The following TTC23L variants were observed in gnomAD, a reference collection of about 807,000 sequenced individuals.
The protein encoded by TTC23L is tetratricopeptide repeat protein 23-like.
A neutral mutation model predicts 48.1 loss-of-function variants in TTC23L; 42 were observed. The ratio of observed to expected loss-of-function variants is 0.87; its 90% confidence interval spans 0.68 to 1.13. The LOEUF (loss-of-function observed/expected upper bound fraction) is 1.13, where lower values mean the gene tolerates loss of function less well. Among genes scored for constraint, TTC23L ranks in the 50% most tolerant of loss-of-function variants. The pLI is 0.00. For synonymous variants in TTC23L, 159 were observed against 157.2 expected (o/e 1.01, Z -0.09); for missense variants, 391 against 421.0 (o/e 0.93, Z 0.62).
intron 9 of TTC23L, among the ~76,000 whole-genome samples, chr5:34,881,724 C>G (rs757251550): frequency 6.7e-6 from 1 of 149,086 alleles, no homozygotes; most frequent in Non-Finnish European, 1.5e-5. Flanking sequence ...GATTTGCAAC[C>G]TTTTTTCTGT....
intron 9 of TTC23L, among the ~76,000 whole-genome samples, chr5:34,896,367 G>A (rs1763226508): frequency 6.6e-6 from 1 of 152,156 alleles, no homozygotes; most frequent in Non-Finnish European, 1.5e-5. Flanking sequence ...ACGGGTGGGG[G>A]AACAGCTGGA....
rs189438509 is a variant in TTC23L at position 34,854,292 on chromosome 5, C to T, written c.379+3984C>T. ...CAGCTTGCTGGTCAGATGAAGTGTC[C>T]ACATGGTATAGTGGAGCCTAGACTT... On this transcript the variant is annotated intron_variant, in intron 4 of 10. Coordinates refer to ENST00000505624, the Ensembl canonical transcript of TTC23L. 3.2e-4 allele frequency among the ~76,000 whole-genome samples: 48 copies of T among 152,220 alleles called. 1 individual carries two copies. Among genetic ancestry groups the T allele is most frequent in the Admixed American group, 2.5e-3 (38 of 15,288 alleles).
the TTC23L span, chr5:34,919,112 AAAAGT>A: frequency 6.6e-6 from 1 of 150,970 alleles, no homozygotes; most frequent in African/African-American, 2.4e-5. Flanking sequence ...AAAAAATGAA[AAAAGT>A]AAAGTAAATT....
chr5:34,912,838 A>G, the TTC23L span, among the ~76,000 whole-genome samples: 1 of 152,122 alleles, frequency 6.6e-6, no homozygotes, highest in Admixed American at 6.5e-5. Context: ...CATCTCTACT[A>G]AAAATACAAA....
At chr5:34,867,752 G>T (rs1469995339) in intron 7 of TTC23L, 1 of 152,644 alleles carries the variant, frequency 6.6e-6, no homozygotes, top group Non-Finnish European at 1.5e-5. Flanking sequence ...CATAGAAAAG[G>T]TGCAATGCAA....
chr5:34,898,323 G>C (rs910607649), intron 10 of TTC23L, among the ~76,000 whole-genome samples: 11 of 152,146 alleles, frequency 7.2e-5, no homozygotes, highest in African/African-American at 2.7e-4. Flanking sequence ...TCTCGAAAAA[G>C]ATATAGACTT....
At chr5:34,845,826 GGT>G in intron 3 of TTC23L, 153 bp downstream of exon 3, 1 of 743,962 alleles carries the variant, frequency 1.3e-6, no homozygotes, top group South Asian at 2.0e-5. Context: ...AGCCTACTTA[GGT>G]AGCCAGCCCA....
the TTC23L span, among the ~76,000 whole-genome samples, chr5:34,911,166 G>C: frequency 6.6e-6 from 1 of 152,206 alleles, no homozygotes; most frequent in Non-Finnish European, 1.5e-5. Context: ...GCCACGTGTA[G>C]AAAACATCTT....
intron 9 of TTC23L, among the ~76,000 whole-genome samples, chr5:34,888,162 G>A (rs1365042227): frequency 6.6e-6 from 1 of 152,030 alleles, no homozygotes; most frequent in Non-Finnish European, 1.5e-5. Context: ...AAAGAAGATG[G>A]CTGTCAATGA....
the TTC23L span, among the ~76,000 whole-genome samples, chr5:34,910,203 T>C: frequency 2.0e-5 from 3 of 152,024 alleles, no homozygotes; most frequent in Non-Finnish European, 4.4e-5. Context: ...TACCACCAAA[T>C]TGTTTCCCAT....
At chr5:34,889,293 A>C (rs1434538330) in intron 9 of TTC23L, among the ~76,000 whole-genome samples, 1 of 152,162 alleles carries the variant, frequency 6.6e-6, no homozygotes, top group African/African-American at 2.4e-5. Context: ...AATTTGCCTA[A>C]ATTCACTCAG....
chr5:34,851,904 C>A (rs1759703928), intron 4 of TTC23L, among the ~76,000 whole-genome samples: 1 of 152,066 alleles, frequency 6.6e-6, no homozygotes. Context: ...TGATAGGTAC[C>A]ATTCTAGAGG....
chr5:34,852,099 G>A (rs865920922), intron 4 of TTC23L, among the ~76,000 whole-genome samples: 3 of 152,042 alleles, frequency 2.0e-5, no homozygotes, highest in Admixed American at 6.5e-5. Context: ...TGCCCAGGCC[G>A]ATCTCAAATT....
At chr5:34,840,577 G>C in intron 1 of TTC23L, 88 bp from the exon 2 acceptor site, 1 of 1,162,208 alleles carries the variant, frequency 8.6e-7, no homozygotes, top group East Asian at 2.3e-5. Context: ...AGCAGTTTTA[G>C]TTTAATGTTA....
At chr5:34,915,632 G>T in the TTC23L span, 3 of 1,371,398 alleles carry the variant, frequency 2.2e-6, no homozygotes, top group Non-Finnish European at 2.9e-6. Context: ...CAGACCTGGA[G>T]GACGACCGCG....
intron 3 of TTC23L, 115 bp downstream of exon 3, chr5:34,845,788 TC>T (rs1229079998): frequency 9.1e-7 from 1 of 1,097,610 alleles, no homozygotes; most frequent in Non-Finnish European, 1.3e-6. Context: ...GTGTCATATT[TC>T]TTTGTAAGTA....
chr5:34,908,759 T>C, the TTC23L span: 3 of 1,590,912 alleles, frequency 1.9e-6, no homozygotes, highest in African/African-American at 1.4e-5. Flanking sequence ...CAGTGAATTG[T>C]CATACTCAAG....
the TTC23L span, chr5:34,916,001 G>A: frequency 7.5e-7 from 1 of 1,337,008 alleles, no homozygotes; most frequent in Non-Finnish European, 9.9e-7. Context: ...GAGTAGCCCG[G>A]GTGTTAACGG....
intron 7 of TTC23L, 23 bp from the exon 8 acceptor site, chr5:34,868,882 T>A (rs1184407907): frequency 6.3e-7 from 1 of 1,576,264 alleles, no homozygotes; most frequent in South Asian, 1.2e-5. Context: ...GTGCTTACCT[T>A]GTCATGATTT....
Sources: gnomAD v4.1 joint callset for allele counts (sites outside exome capture counted in the v4.1 genomes callset) on GRCh38, gnomAD v4.1.1 for gene constraint, MANE v1.5 for transcripts, NCBI Gene and HGNC (gene_info 2026-07-23, HGNC 2026-07-21) for gene names.